Variants in BMAL1 observed in about 807,000 individuals in gnomAD.
BMAL1 encodes basic helix-loop-helix ARNT-like protein 1.
At chr11:13,349,196 T>G in the BMAL1 span, among the ~76,000 whole-genome samples, 1 of 152,252 alleles carries the variant, frequency 6.6e-6, no homozygotes, top group East Asian at 1.9e-4. Flanking sequence ...CAGGTGCACT[T>G]GAGATTCACT....
chr11:13,373,090 G>A, the BMAL1 span, among the ~76,000 whole-genome samples: 3 of 152,188 alleles, frequency 2.0e-5, no homozygotes, highest in East Asian at 5.8e-4. Context: ...GTTGGCCATG[G>A]TAGCCTCCCA....
the BMAL1 span, among the ~76,000 whole-genome samples, chr11:13,351,814 A>G: frequency 2.6e-5 from 4 of 152,170 alleles, no homozygotes; most frequent in Non-Finnish European, 4.4e-5. Context: ...TCACTGGTCA[A>G]CCCAACAAGG....
chr11:13,323,536 G>A, the BMAL1 span, among the ~76,000 whole-genome samples: 1 of 152,166 alleles, frequency 6.6e-6, no homozygotes, highest in Admixed American at 6.5e-5. Context: ...TAAAATGTGG[G>A]CATCATCTTT....
chr11:13,328,133 A>G, the BMAL1 span, among the ~76,000 whole-genome samples: 1 of 152,192 alleles, frequency 6.6e-6, no homozygotes, highest in Non-Finnish European at 1.5e-5. Context: ...TTGCACATAA[A>G]CACAAGCCAT....
At chr11:13,284,958 G>C in the BMAL1 span, among the ~76,000 whole-genome samples, 8 of 152,088 alleles carry the variant, frequency 5.3e-5, no homozygotes, top group East Asian at 1.5e-3. Flanking sequence ...AGTCCTCCTT[G>C]CCTCTCCGCT....
chr11:13,381,231 G>A, the BMAL1 span: 1 of 1,614,112 alleles, frequency 6.2e-7, no homozygotes, highest in Non-Finnish European at 8.5e-7. Context: ...TCCCCCTGAT[G>A]CCTCTTCTCC....
chr11:13,350,981 T>C, the BMAL1 span, among the ~76,000 whole-genome samples: 1 of 152,248 alleles, frequency 6.6e-6, no homozygotes, highest in Non-Finnish European at 1.5e-5. Context: ...GAAAGTATTC[T>C]GGGCACTAAG....
the BMAL1 span, among the ~76,000 whole-genome samples, chr11:13,369,948 TG>T: frequency 6.6e-6 from 1 of 152,014 alleles, no homozygotes; most frequent in Non-Finnish European, 1.5e-5. Context: ...AGGAGAGAGC[TG>T]AAAAGCCTGA....
the BMAL1 span, among the ~76,000 whole-genome samples, chr11:13,307,379 G>C: frequency 1.3e-5 from 2 of 152,214 alleles, no homozygotes; most frequent in African/African-American, 4.8e-5. Flanking sequence ...AAGGAGCACT[G>C]ATGAGGCCTA....
chr11:13,290,573 A>G, the BMAL1 span, among the ~76,000 whole-genome samples: 13 of 150,816 alleles, frequency 8.6e-5, no homozygotes, highest in South Asian at 4.2e-4. Flanking sequence ...TATTATTATT[A>G]TTATTATTAT....
the BMAL1 span, among the ~76,000 whole-genome samples, chr11:13,296,962 G>T: frequency 6.6e-6 from 1 of 152,160 alleles, no homozygotes; most frequent in Non-Finnish European, 1.5e-5. Context: ...TTGGTACCTG[G>T]GTGCTGCTTG....
the BMAL1 span, among the ~76,000 whole-genome samples, chr11:13,321,727 C>T: frequency 1.3e-5 from 2 of 152,126 alleles, no homozygotes; most frequent in Non-Finnish European, 2.9e-5. Context: ...AACACAATTT[C>T]CCTTTCCTCT....
At chr11:13,370,719 C>T in the BMAL1 span, among the ~76,000 whole-genome samples, 1 of 152,234 alleles carries the variant, frequency 6.6e-6, no homozygotes, top group Admixed American at 6.5e-5. Flanking sequence ...ACATGCTCCC[C>T]ACCCCCAACA....
At chr11:13,380,022 C>A in the BMAL1 span, 2 of 152,190 alleles carry the variant, frequency 1.3e-5, no homozygotes, top group Admixed American at 1.3e-4. Context: ...CCTTATCCTA[C>A]AGAGATGACA....
chr11:13,371,019 T>G, the BMAL1 span, among the ~76,000 whole-genome samples: 1 of 152,326 alleles, frequency 6.6e-6, no homozygotes, highest in South Asian at 2.1e-4. Context: ...ACCCTACTGG[T>G]TTGCTTTCTA....
At chr11:13,365,630 C>T in the BMAL1 span, 2 of 1,548,308 alleles carry the variant, frequency 1.3e-6, no homozygotes, top group African/African-American at 2.7e-5. Context: ...GGCAGCCTCA[C>T]AGCAGTCAGA....
the BMAL1 span, among the ~76,000 whole-genome samples, chr11:13,325,564 C>T: frequency 6.6e-6 from 1 of 151,658 alleles, no homozygotes; most frequent in Admixed American, 6.6e-5. Flanking sequence ...GGAGCCTTTG[C>T]CGTCCTTGGG....
chr11:13,338,741 A>G, the BMAL1 span, among the ~76,000 whole-genome samples: 1 of 152,306 alleles, frequency 6.6e-6, no homozygotes, highest in South Asian at 2.1e-4. Context: ...ACAAGTTGCC[A>G]TACCTCTCTG....
At chr11:13,297,583 C>A in the BMAL1 span, among the ~76,000 whole-genome samples, 1 of 152,138 alleles carries the variant, frequency 6.6e-6, no homozygotes, top group Non-Finnish European at 1.5e-5. Flanking sequence ...GATAGGCCTT[C>A]GCCCATTGCC....
Sources: gnomAD v4.1 joint callset for allele counts (sites outside exome capture counted in the v4.1 genomes callset) on GRCh38, gnomAD v4.1.1 for gene constraint, MANE v1.5 for transcripts, NCBI Gene and HGNC (gene_info 2026-07-23, HGNC 2026-07-21) for gene names.